Variants in CNTN1 observed in about 807,000 individuals in gnomAD.
CNTN1 encodes contactin-1.
In CNTN1, 38 loss-of-function variants were observed where a neutral mutation model predicts 126.4. That is an observed-to-expected ratio of 0.30 (90% CI 0.23 to 0.39). CNTN1 has a LOEUF of 0.39. CNTN1 is among the 10% of genes least tolerant of loss of function. The pLI, the probability that CNTN1 is intolerant of heterozygous loss-of-function variation, is 1.00. For synonymous variants in CNTN1, 413 were observed against 422.6 expected (o/e 0.98, Z 0.28); for missense variants, 1,009 against 1,248.4 (o/e 0.81, Z 2.89).
rs972980687 is a variant in CNTN1, at chr12:40,983,686, C to A, written c.1963+2619C>A. ...TTCAGTGAATATGAAAGTGTTTCTC[C>A]TACATAGTTCTATTTCATTCTTCCT... On this transcript the variant is annotated intron_variant, in intron 16 of 23. Transcript: ENST00000551295. Among the ~76,000 whole-genome samples the A allele has an allele frequency of 2.0e-5, 3 of 149,196 alleles. No individual in the cohort carries two copies. The East Asian group carries it at 5.8e-4, about 29-fold the overall frequency.
In CNTN1 at chr12:41,009,817, C is replaced by T. The variant is rs866077314; in HGVS notation, c.2114-4411C>T. Among the ~76,000 whole-genome samples the T allele has an allele frequency of 4.6e-5, 7 of 152,128 alleles. No individual in the cohort carries two copies. In the South Asian group the frequency reaches 1.2e-3, roughly 27 times the overall value. On this transcript the variant is annotated intron_variant, in intron 17 of 23. Transcript: ENST00000551295. Reference sequence around the variant, plus strand: ...CTGGACTGGCCTAGCAGTTACAGCTCAACTCATTGTTCCTTCAGTTGCCCA... The same window carrying T: ...CTGGACTGGCCTAGCAGTTACAGCTTAACTCATTGTTCCTTCAGTTGCCCA...
rs747759989 is a variant in CNTN1, at chr12:41,027,843, A to G, written c.2711-14A>G. ...ATATAGTGACCACTGATTGCATATT[A>G]CTACTTTTCACAGCTCCTAGCCAGC... On this transcript the variant is annotated splice_polypyrimidine_tract_variant and intron_variant, in intron 21 of 23. Transcript: ENST00000551295. The G allele has an allele frequency of 1.3e-6, 2 of 1,518,310 alleles. No homozygotes were observed. Among genetic ancestry groups the G allele is most frequent in the East Asian group, 2.3e-5 (1 of 44,376 alleles). The allele number at this position is 1,518,310 out of a possible 1,614,324, so 94.1% of individuals were successfully genotyped here.
chr12:40,950,002 G>A (rs1437048471), intron 14 of CNTN1, among the ~76,000 whole-genome samples: 1 of 152,022 alleles, frequency 6.6e-6, no homozygotes, highest in African/African-American at 2.4e-5. Context: ...AGGATACCAG[G>A]CAGCCACAGG....
chr12:40,719,541 G>T (rs1384747284), intron 1 of CNTN1, among the ~76,000 whole-genome samples: 1 of 152,152 alleles, frequency 6.6e-6, no homozygotes, highest in Non-Finnish European at 1.5e-5. Context: ...TATGAAAAAA[G>T]AGAATCTATC....
At chr12:41,006,138 T>G (rs1948488120) in intron 17 of CNTN1, among the ~76,000 whole-genome samples, 1 of 152,218 alleles carries the variant, frequency 6.6e-6, no homozygotes, top group African/African-American at 2.4e-5. Flanking sequence ...GATTGTGGTA[T>G]AAGGTAGATT....
At chr12:40,984,626 T>G (rs1168036897) in intron 16 of CNTN1, among the ~76,000 whole-genome samples, 2 of 152,176 alleles carry the variant, frequency 1.3e-5, no homozygotes, top group Non-Finnish European at 2.9e-5. Context: ...TCCACCCCCA[T>G]GACCCAAACT....
At chr12:41,059,889 G>C (rs1949903664) in intron 23 of CNTN1, among the ~76,000 whole-genome samples, 1 of 152,018 alleles carries the variant, frequency 6.6e-6, no homozygotes, top group South Asian at 2.1e-4. Context: ...AGCTGGGAAT[G>C]GTCATGCATG....
intron 15 of CNTN1, among the ~76,000 whole-genome samples, chr12:40,966,267 G>T (rs1257483977): frequency 6.6e-6 from 1 of 152,022 alleles, no homozygotes; most frequent in African/African-American, 2.4e-5. Context: ...CATCTCATCA[G>T]CCTTGCAGAA....
intron 23 of CNTN1, among the ~76,000 whole-genome samples, chr12:41,057,177 A>G (rs1013891564): frequency 8.7e-4 from 114 of 130,342 alleles, no homozygotes; most frequent in Non-Finnish European, 1.6e-3. Context: ...TATTTATATT[A>G]TAAATATTTA....
At chr12:40,722,456 G>T (rs1057192337) in intron 1 of CNTN1, among the ~76,000 whole-genome samples, 52 of 152,060 alleles carry the variant, frequency 3.4e-4, no homozygotes, top group Admixed American at 2.6e-3. Context: ...TATGAGCTTT[G>T]GAAAAGTGGT....
At chr12:40,715,991 T>C (rs1942037151) in intron 1 of CNTN1, among the ~76,000 whole-genome samples, 1 of 152,070 alleles carries the variant, frequency 6.6e-6, no homozygotes, top group Non-Finnish European at 1.5e-5. Context: ...GGTGCAGATA[T>C]GAAGACAACT....
At chr12:40,863,959 C>T (rs545301422) in intron 1 of CNTN1, among the ~76,000 whole-genome samples, 21 of 129,274 alleles carry the variant, frequency 1.6e-4, no homozygotes, top group African/African-American at 5.7e-4. Context: ...TCCCTCTCTT[C>T]TCCTTCTCCT....
intron 1 of CNTN1, among the ~76,000 whole-genome samples, chr12:40,761,360 T>C (rs1016841768): frequency 5.9e-5 from 9 of 152,242 alleles, no homozygotes; most frequent in Admixed American, 5.9e-4. Context: ...TGGGAAATTA[T>C]AATAAGATTT....
rs150131772 is a variant in CNTN1, at chr12:40,931,890, G to A, written c.704-1571G>A. On this transcript the variant is annotated intron_variant, in intron 7 of 23. Transcript: ENST00000551295. ...TTGAGAAACATTGATCCAAGGAGCC[G>A]TCCTGTTGATTCTGCCTCTAAAATA... Among the ~76,000 whole-genome samples, 392 of 151,996 alleles carry A rather than the reference G, an allele frequency of 2.6e-3. 1 individual carries two copies. The highest frequency in any genetic ancestry group is 8.8e-3 in the African/African-American group (364 of 41,492).
At chr12:40,735,429 G>GA (rs1210539534) in intron 1 of CNTN1, among the ~76,000 whole-genome samples, 2 of 152,024 alleles carry the variant, frequency 1.3e-5, no homozygotes, top group Non-Finnish European at 2.9e-5. Flanking sequence ...CGTTCCCACG[G>GA]AAAAATCACC....
chr12:40,794,854 G>C (rs768173779), intron 1 of CNTN1, among the ~76,000 whole-genome samples: 1 of 152,066 alleles, frequency 6.6e-6, no homozygotes, highest in Non-Finnish European at 1.5e-5. Context: ...GTGGAATCAT[G>C]GAGGCCATTG....
chr12:40,721,766 T>A (rs1942222548), intron 1 of CNTN1, among the ~76,000 whole-genome samples: 1 of 146,634 alleles, frequency 6.8e-6, no homozygotes, highest in South Asian at 2.2e-4. Flanking sequence ...GTGTTTTCAT[T>A]GTTCAATTCC....
chr12:41,000,895 G>A (rs1374463317), intron 17 of CNTN1, among the ~76,000 whole-genome samples: 15 of 152,092 alleles, frequency 9.9e-5, no homozygotes, highest in Non-Finnish European at 1.6e-4. Flanking sequence ...TTGGTTTTCT[G>A]TTCTTGCACT....
chr12:40,727,588 A>G (rs1327518740), intron 1 of CNTN1, among the ~76,000 whole-genome samples: 3 of 152,226 alleles, frequency 2.0e-5, no homozygotes, highest in Non-Finnish European at 4.4e-5. Context: ...TAACTTACAT[A>G]CTAAACTTGT....
Sources: allele counts gnomAD v4.1 joint callset (sites outside exome capture counted in the v4.1 genomes callset), GRCh38; gene constraint gnomAD v4.1.1; transcripts MANE v1.5; gene names NCBI Gene and HGNC (gene_info 2026-07-23, HGNC 2026-07-21).